ANKRD6: variants seen among roughly 807,000 people sequenced by gnomAD.
The protein encoded by ANKRD6 is ankyrin repeat domain-containing protein 6.
A neutral mutation model predicts 82.3 loss-of-function variants in ANKRD6; 56 were observed. The ratio of observed to expected loss-of-function variants is 0.68; its 90% CI spans 0.55 to 0.85. The LOEUF is 0.85. Among genes scored for constraint, ANKRD6 ranks in the 40% least tolerant of loss-of-function variants. The pLI is 0.00. For synonymous variants in ANKRD6, 347 were observed against 352.1 expected, an observed-to-expected ratio of 0.99 and a Z score of 0.16; for missense variants, 852 against 907.6, an observed-to-expected ratio of 0.94 and a Z score of 0.79.
At chr6:89,560,716 G>A (rs1344611902) in intron 1 of ANKRD6, among the ~76,000 whole-genome samples, 3 of 152,028 alleles carry the variant, frequency 2.0e-5, no homozygotes, top group South Asian at 4.1e-4. Context: ...CCAGCTACTC[G>A]GGAAGCTGAG....
At chr6:89,623,383 G>C in intron 10 of ANKRD6, 27 bp from the exon 11 acceptor site, 1 of 1,596,882 alleles carries the variant, frequency 6.3e-7, no homozygotes, top group Non-Finnish European at 8.5e-7. Flanking sequence ...CAAACACAAT[G>C]GGTCTCTGGG....
chr6:89,462,162 G>A lies in ANKRD6; in HGVS notation c.-144+28787G>A, dbSNP rs181480671. ...CAGGAGAATCGCTTGAACCCGGGAG[G>A]TGGAGGTTGCAGTGGGCCGAGATCA... On this transcript the variant is annotated intron_variant, in intron 1 of 15. Coordinates refer to ENST00000339746, the MANE Select transcript of ANKRD6 (RefSeq NM_001242809.2). Among the ~76,000 whole-genome samples, 1,178 of 151,496 alleles carry A rather than the reference G, an allele frequency of 7.8e-3. 18 individuals are homozygous for A. The highest frequency in any genetic ancestry group is 0.027 in the African/African-American group (1,101 of 41,324).
chr6:89,549,915 AAAAAAAGAAAAG>A (rs895322761), intron 1 of ANKRD6, among the ~76,000 whole-genome samples: 2 of 139,150 alleles, frequency 1.4e-5, no homozygotes, highest in African/African-American at 5.0e-5. Context: ...TGTCTCTTTA[AAAAAAAGAAAAG>A]AAAAAAAAAG....
intron 1 of ANKRD6, among the ~76,000 whole-genome samples, chr6:89,485,448 G>A (rs1420170149): frequency 6.6e-6 from 1 of 152,104 alleles, no homozygotes; most frequent in Non-Finnish European, 1.5e-5. Flanking sequence ...TGGGTTTTTT[G>A]GTTGGCTTTG....
At chr6:89,583,463 AATTAGGC>A (rs1208315939) in intron 2 of ANKRD6, among the ~76,000 whole-genome samples, 1 of 152,242 alleles carries the variant, frequency 6.6e-6, no homozygotes, top group Non-Finnish European at 1.5e-5. Context: ...TAAGGATGGT[AATTAGGC>A]ATGTACCACA....
intron 4 of ANKRD6, among the ~76,000 whole-genome samples, chr6:89,605,108 C>T (rs764039195): frequency 5.9e-5 from 9 of 152,088 alleles, no homozygotes; most frequent in African/African-American, 1.9e-4. Flanking sequence ...CACATTAGGC[C>T]GGGCACGGTG....
intron 1 of ANKRD6, among the ~76,000 whole-genome samples, chr6:89,492,815 A>G (rs893961569): frequency 6.6e-6 from 1 of 152,180 alleles, no homozygotes; most frequent in Admixed American, 6.5e-5. Context: ...TTAGTGAGCT[A>G]GAATTTAAGA....
intron 2 of ANKRD6, among the ~76,000 whole-genome samples, chr6:89,578,315 A>T (rs112230053): frequency 0.05 from 5,705 of 114,888 alleles, 207 homozygotes; most frequent in South Asian, 0.12. Flanking sequence ...TTTTTTTTGG[A>T]AACAGAGTCT....
intron 6 of ANKRD6, among the ~76,000 whole-genome samples, chr6:89,613,332 T>C (rs1351067037): frequency 6.6e-6 from 1 of 152,174 alleles, no homozygotes; most frequent in African/African-American, 2.4e-5. Context: ...TCTTAAGATT[T>C]GACAACCCCC....
intron 1 of ANKRD6, among the ~76,000 whole-genome samples, chr6:89,548,794 G>A (rs1189009813): frequency 6.6e-6 from 1 of 152,190 alleles, no homozygotes; most frequent in African/African-American, 2.4e-5. Flanking sequence ...TGAGGGTTAC[G>A]CAGCGTCTTA....
At chr6:89,558,033 T>C (rs2128044681) in intron 1 of ANKRD6, among the ~76,000 whole-genome samples, 1 of 152,330 alleles carries the variant, frequency 6.6e-6, no homozygotes, top group South Asian at 2.1e-4. Context: ...GTACCATAAA[T>C]GTAATGTGCT....
At chr6:89,602,728 C>T (rs921654268) in intron 3 of ANKRD6, 2 of 373,146 alleles carry the variant, frequency 5.4e-6, no homozygotes, top group Non-Finnish European at 1.0e-5. Flanking sequence ...GTCATAGCCC[C>T]TGGATGGCAG....
At chr6:89,566,658 G>A (rs1004878081) in intron 1 of ANKRD6, among the ~76,000 whole-genome samples, 176 bp from the exon 2 acceptor site, 1 of 152,198 alleles carries the variant, frequency 6.6e-6, no homozygotes, top group Non-Finnish European at 1.5e-5. Flanking sequence ...CCTTCCACTT[G>A]GAAGTTCTGT....
chr6:89,514,388 A>AT (rs1466982209), intron 1 of ANKRD6, among the ~76,000 whole-genome samples: 29 of 151,874 alleles, frequency 1.9e-4, no homozygotes, highest in Non-Finnish European at 2.6e-4. Flanking sequence ...AAAAAAAAAA[A>AT]TTTTTTTGGA....
chr6:89,482,153 T>G (rs566507449), intron 1 of ANKRD6, among the ~76,000 whole-genome samples: 1 of 152,318 alleles, frequency 6.6e-6, no homozygotes, highest in South Asian at 2.1e-4. Flanking sequence ...TTTGAAATAT[T>G]TATAACATTC....
At chr6:89,606,881 C>CT (rs35439866) in intron 5 of ANKRD6, among the ~76,000 whole-genome samples, 2 of 151,546 alleles carry the variant, frequency 1.3e-5, no homozygotes, top group Non-Finnish European at 1.5e-5. Flanking sequence ...GGGGGTGGGC[C>CT]TTTTTTGGCC....
Position 89,631,328 on chromosome 6 carries a change from C to A in ANKRD6, c.*324C>A. 1 of 205,646 alleles carries A rather than the reference C, an allele frequency of 4.9e-6. No individual in the cohort carries two copies. Among genetic ancestry groups the A allele is most frequent in the Non-Finnish European group, 9.7e-6 (1 of 103,532 alleles). 12.7% of individuals were successfully genotyped at this position (205,646 alleles called of 1,614,324 possible). On this transcript the variant is annotated 3_prime_UTR_variant, in exon 16 of 16. Coordinates refer to ENST00000339746, the MANE Select transcript of ANKRD6 (RefSeq NM_001242809.2). ...ACTGGACGATGTGTAAGCCTAGACT[C>A]TAAAATTCAAGATGTGTGAAATAAT... is the stretch of plus-strand genomic sequence containing the variant.
intron 3 of ANKRD6, among the ~76,000 whole-genome samples, chr6:89,601,305 C>CGGT (rs1187207685): frequency 2.0e-5 from 3 of 152,052 alleles, no homozygotes; most frequent in Non-Finnish European, 4.4e-5. Context: ...GGGGGGAGGT[C>CGGT]GGTGGTGGCA....
intron 1 of ANKRD6, among the ~76,000 whole-genome samples, chr6:89,454,660 G>A (rs1340191319): frequency 6.6e-6 from 1 of 152,220 alleles, no homozygotes; most frequent in African/African-American, 2.4e-5. Context: ...TTGGGGCACT[G>A]CTGTAGTTTA....
Sources: allele counts gnomAD v4.1 joint callset (sites outside exome capture counted in the v4.1 genomes callset), GRCh38; gene constraint gnomAD v4.1.1; transcripts MANE v1.5; gene names NCBI Gene and HGNC (gene_info 2026-07-23, HGNC 2026-07-21).